COP1: variants seen among roughly 807,000 people sequenced by gnomAD.
The protein encoded by COP1 is COP1 E3 ubiquitin ligase.
A neutral mutation model predicts 101.3 loss-of-function variants in COP1; 24 were observed. That is an observed-to-expected ratio of 0.24 (90% CI 0.17 to 0.33). The LOEUF is 0.33. COP1 is among the 10% of genes least tolerant of loss of function. The pLI, the probability that COP1 is intolerant of heterozygous loss-of-function variation, is 1.00. For synonymous variants in COP1, 347 were observed against 341.9 expected, an observed-to-expected ratio of 1.01 and a Z score of -0.17; for missense variants, 663 against 906.2, an observed-to-expected ratio of 0.73 and a Z score of 3.45.
chr1:176,109,430 T>G (rs1684902965), intron 9 of COP1, among the ~76,000 whole-genome samples: 1 of 152,202 alleles, frequency 6.6e-6, no homozygotes, highest in Admixed American at 6.5e-5. Flanking sequence ...TCACAGACTA[T>G]TAATTACTTT....
At chr1:175,962,734 T>G (rs1255618256) in intron 18 of COP1, among the ~76,000 whole-genome samples, 2 of 152,166 alleles carry the variant, frequency 1.3e-5, no homozygotes, top group African/African-American at 4.8e-5. Flanking sequence ...AGTGTTCTAT[T>G]CCTTCAGCCA....
chr1:175,974,899 G>A (rs866487719), intron 18 of COP1, among the ~76,000 whole-genome samples: 1 of 133,348 alleles, frequency 7.5e-6, no homozygotes, highest in Non-Finnish European at 1.5e-5. Context: ...CTACAGCCTA[G>A]GTGACAGACC....
chr1:176,017,074 A>C (rs939288527), intron 15 of COP1, among the ~76,000 whole-genome samples: 1 of 152,244 alleles, frequency 6.6e-6, no homozygotes, highest in African/African-American at 2.4e-5. Flanking sequence ...TTGATAAGGC[A>C]ATCATCAATA....
intron 18 of COP1, chr1:175,982,256 C>T: frequency 2.4e-6 from 1 of 420,692 alleles, no homozygotes. Flanking sequence ...GCATTATTCA[C>T]AACAGCAAAG....
At chr1:176,088,336 A>G (rs928096276) in intron 9 of COP1, among the ~76,000 whole-genome samples, 9 of 152,204 alleles carry the variant, frequency 5.9e-5, no homozygotes, top group Admixed American at 3.9e-4. Flanking sequence ...CACAAAAGGT[A>G]ATGTTATTAC....
chr1:176,044,988 T>C (rs1018289477), intron 12 of COP1, among the ~76,000 whole-genome samples: 24 of 152,166 alleles, frequency 1.6e-4, no homozygotes, highest in Non-Finnish European at 3.4e-4. Flanking sequence ...TACAATCCTA[T>C]TAAATAAGTA....
intron 15 of COP1, among the ~76,000 whole-genome samples, chr1:176,013,088 A>G (rs1460538618): frequency 6.6e-6 from 1 of 152,194 alleles, no homozygotes. Context: ...TAAATCATCT[A>G]CAGATTACTT....
rs368248342 is a variant in COP1 at position 175,998,690 on chromosome 1, G to T, written c.1730-9211C>A. ...CACAGATAGTTCATAATGTACAATA[G>T]TCCAGAGATGATTTTACCTTTCTGG... On this transcript the variant is annotated intron_variant, in intron 15 of 19. Transcript: ENST00000367669. Among the ~76,000 whole-genome samples the T allele has an allele frequency of 4.6e-5, 7 of 152,100 alleles. No homozygotes were observed. The East Asian group carries it at 7.7e-4, about 17-fold the overall frequency.
chr1:175,991,648 C>T (rs931010222), intron 15 of COP1, among the ~76,000 whole-genome samples: 1 of 152,160 alleles, frequency 6.6e-6, no homozygotes. Flanking sequence ...TAGCTTAAAA[C>T]ACATACATTG....
At position 175,967,487 on chromosome 1, in the gene COP1, A is replaced by AC. The variant is rs1652250624; in HGVS notation, c.2133+19455_2133+19456insG. ...GGTGACACAGTGAGACTCAGTCTCAAAAAACAAACAAACAAACAAACAAAC... is the reference window on the plus strand; with the variant it reads ...GGTGACACAGTGAGACTCAGTCTCAACAAAACAAACAAACAAACAAACAAAC... On this transcript the variant is annotated intron_variant, in intron 18 of 19. Coordinates refer to ENST00000367669, the MANE Select transcript of COP1 (RefSeq NM_022457.7). Among the ~76,000 whole-genome samples the AC allele has an allele frequency of 9.3e-5, 5 of 53,604 alleles. No homozygotes were observed. The Admixed American group carries it at 1.5e-3, about 16-fold the overall frequency. The allele number at this position is 53,604 out of a possible 152,430, so 35.2% of individuals were successfully genotyped here.
chr1:176,087,412 G>GA (rs202035275), intron 9 of COP1, among the ~76,000 whole-genome samples: 2,085 of 152,098 alleles, frequency 0.014, 55 homozygotes, highest in African/African-American at 0.048. Context: ...AAATTTACGA[G>GA]AAAAAATCAA....
chr1:176,148,932 G>A, intron 6 of COP1, 74 bp downstream of exon 6: 1 of 975,460 alleles, frequency 1.0e-6, no homozygotes, highest in Non-Finnish European at 1.5e-6. Context: ...TTTTTAGCCT[G>A]AAATGCTTTT....
intron 18 of COP1, among the ~76,000 whole-genome samples, chr1:175,953,136 T>C (rs1323995311): frequency 2.6e-5 from 4 of 152,152 alleles, no homozygotes; most frequent in East Asian, 1.9e-4. Flanking sequence ...TATAATGTTA[T>C]AAGATTCTTC....
At chr1:176,048,761 T>A (rs1326622458) in intron 11 of COP1, among the ~76,000 whole-genome samples, 1 of 152,232 alleles carries the variant, frequency 6.6e-6, no homozygotes, top group East Asian at 1.9e-4. Flanking sequence ...CCAGTAAAAG[T>A]ATGCCATTAC....
At chr1:176,033,395 C>T (rs1210536245) in intron 14 of COP1, among the ~76,000 whole-genome samples, 1 of 151,774 alleles carries the variant, frequency 6.6e-6, no homozygotes, top group African/African-American at 2.4e-5. Context: ...CCATTGCACT[C>T]CAGCCTGGGC....
chr1:176,088,897 A>C (rs912285428), intron 9 of COP1, among the ~76,000 whole-genome samples: 1 of 151,084 alleles, frequency 6.6e-6, no homozygotes, highest in East Asian at 2.0e-4. Flanking sequence ...CGGGAGGCTG[A>C]GGCAGGAGAA....
At chr1:175,998,588 A>G (rs1363441136) in intron 15 of COP1, among the ~76,000 whole-genome samples, 1 of 152,108 alleles carries the variant, frequency 6.6e-6, no homozygotes. Context: ...CTAAATCTGT[A>G]TATAGCATTT....
In COP1 at chr1:176,053,859, A is replaced by G. The variant is rs372133832; in HGVS notation, c.1278-7535T>C. On this transcript the variant is annotated intron_variant, in intron 11 of 19. Transcript: ENST00000367669. ...AACTTTGCACTCTGTTACCATTTTC[A>G]TTCTCTTATTTTTTGTACTTTACCT... Among the ~76,000 whole-genome samples the G allele has an allele frequency of 3.9e-5, 6 of 152,166 alleles. No homozygotes were observed. The East Asian group carries it at 1.2e-3, about 29-fold the overall frequency.
intron 3 of COP1, among the ~76,000 whole-genome samples, chr1:176,164,479 C>T (rs1445919175): frequency 6.6e-6 from 1 of 152,130 alleles, no homozygotes; most frequent in South Asian, 2.1e-4. Context: ...CATTCATGCC[C>T]TTGCCAGTGG....
Sources: gnomAD v4.1 joint callset for allele counts (sites outside exome capture counted in the v4.1 genomes callset) on GRCh38, gnomAD v4.1.1 for gene constraint, MANE v1.5 for transcripts, NCBI Gene and HGNC (gene_info 2026-07-23, HGNC 2026-07-21) for gene names.